The following MAEA variants were observed in gnomAD, a reference collection of about 807,000 sequenced individuals.
MAEA encodes E3 ubiquitin-protein transferase MAEA.
In MAEA, 22 loss-of-function variants were observed where a neutral mutation model predicts 46.2. That is an observed-to-expected ratio of 0.48 (90% CI 0.34 to 0.68). The LOEUF is 0.68. Ranked by LOEUF, MAEA falls within the 30% of genes least tolerant of loss-of-function variation. The pLI is 0.01. For missense variants in MAEA, 393 were observed against 558.1 expected (o/e 0.70, Z 2.98); for synonymous variants, 246 against 222.6 (o/e 1.11, Z -0.94).
At chr4:1,295,134 G>A (rs1161145892) in intron 1 of MAEA, among the ~76,000 whole-genome samples, 9 of 152,098 alleles carry the variant, frequency 5.9e-5, no homozygotes, top group Admixed American at 1.3e-4. Flanking sequence ...AGGCCGGCCG[G>A]TGCCTGTAGC....
chr4:1,310,069 C>T (rs1385857381), intron 1 of MAEA: 7 of 1,054,142 alleles, frequency 6.6e-6, no homozygotes, highest in Middle Eastern at 4.2e-4. Context: ...GGTCTAATGG[C>T]GAAGACTTTC....
intron 1 of MAEA, chr4:1,309,622 G>A: frequency 6.6e-7 from 1 of 1,524,552 alleles, no homozygotes; most frequent in South Asian, 1.2e-5. Flanking sequence ...CAGAGGCGTG[G>A]GAGGCCTGAG....
rs1406621005 is a variant in MAEA, at chr4:1,340,104, A to T, written c.*935A>T. On this transcript the variant is annotated 3_prime_UTR_variant, in exon 9 of 9. Transcript: ENST00000303400. ...TGACTAGCTAATAAACTGTAAATGT[A>T]AACCATGCGAATAAAATGGTTTTCT... is the stretch of plus-strand genomic sequence containing the variant. 6.5e-6 allele frequency: 1 copy of T among 152,690 alleles called. No homozygotes were observed. Among genetic ancestry groups the T allele is most frequent in the Non-Finnish European group, 1.5e-5 (1 of 68,046 alleles). The allele number at this position is 152,690 out of a possible 1,614,324, so 9.5% of individuals were successfully genotyped here.
rs138960574 is a variant in MAEA at position 1,307,968 on chromosome 4, C to A, written c.70-4011C>A. 3.6e-4 allele frequency among the ~76,000 whole-genome samples: 55 copies of A among 151,956 alleles called. 1 individual carries two copies. Among genetic ancestry groups the A allele is most frequent in the African/African-American group, 1.3e-3 (54 of 41,516 alleles). On this transcript the variant is annotated intron_variant, in intron 1 of 8. Transcript: ENST00000303400. The stretch of plus-strand genomic sequence containing the variant: ...GTTCTCTAGGTATCCCAAATCCCAT[C>A]AAGTTGATGCCTGAAATGAACCATT...
At chr4:1,334,244 G>A (rs753228928) in intron 6 of MAEA, among the ~76,000 whole-genome samples, 1 of 146,638 alleles carries the variant, frequency 6.8e-6, no homozygotes, top group South Asian at 2.2e-4. Flanking sequence ...TCCTGGAGTT[G>A]ACAGTTTGTT....
intron 1 of MAEA, chr4:1,310,097 G>T (rs1038878548): frequency 1.1e-6 from 1 of 896,286 alleles, no homozygotes; most frequent in Non-Finnish European, 1.4e-6. Context: ...CTCTTGTGAG[G>T]CGCCTGCACA....
chr4:1,297,944 C>T (rs542292190), intron 1 of MAEA: 18 of 453,866 alleles, frequency 4.0e-5, no homozygotes, highest in Non-Finnish European at 7.6e-5. Context: ...TCTCTGCTTC[C>T]CATTGTTCTA....
In MAEA at chr4:1,316,984, T is replaced by C. The variant is rs1160827904; in HGVS notation, c.456+1384T>C. Among the ~76,000 whole-genome samples the C allele has an allele frequency of 9.6e-3, 652 of 68,226 alleles. 7 individuals carry two copies. Among genetic ancestry groups the C allele is most frequent in the Middle Eastern group, 0.034 (2 of 58 alleles). The allele number at this position is 68,226 out of a possible 152,430, so 44.8% of individuals were successfully genotyped here. On this transcript the variant is annotated intron_variant, in intron 3 of 8. Coordinates refer to ENST00000303400, the MANE Select transcript of MAEA (RefSeq NM_001017405.3). ...GCAGGCCCACCACGGCCCCACACTC[T>C]AGACTCACCCCCAGGCCCACCCCGG...
At chr4:1,335,347 T>C (rs1310422319) in intron 6 of MAEA, 2 of 985,398 alleles carry the variant, frequency 2.0e-6, no homozygotes, top group Non-Finnish European at 2.4e-6. Context: ...TTCCAGATCA[T>C]TCAAGTTGAT....
chr4:1,330,007 A>G (rs928190159), intron 5 of MAEA: 14 of 985,236 alleles, frequency 1.4e-5, no homozygotes, highest in Non-Finnish European at 1.7e-5. Context: ...AGGCAAGGTG[A>G]GTCCTGCTGT....
At chr4:1,309,947 G>C in intron 1 of MAEA, 1 of 1,270,604 alleles carries the variant, frequency 7.9e-7, no homozygotes. Context: ...TGCAGCTAAG[G>C]GACGTCCAGA....
At chr4:1,316,048 C>T (rs1300715702) in intron 3 of MAEA, among the ~76,000 whole-genome samples, 1 of 151,926 alleles carries the variant, frequency 6.6e-6, no homozygotes, top group Non-Finnish European at 1.5e-5. Flanking sequence ...CTTCTCATTT[C>T]CCTGTGGTGT....
At chr4:1,298,435 G>A (rs1734993785) in intron 1 of MAEA, among the ~76,000 whole-genome samples, 1 of 152,120 alleles carries the variant, frequency 6.6e-6, no homozygotes, top group African/African-American at 2.4e-5. Flanking sequence ...CACACGCGCC[G>A]TCTTCTGGTT....
intron 1 of MAEA, among the ~76,000 whole-genome samples, chr4:1,301,311 C>T (rs1010047607): frequency 6.6e-6 from 1 of 152,224 alleles, no homozygotes. Flanking sequence ...TGTCTCCACT[C>T]ACACTGCTTG....
chr4:1,334,703 G>C, intron 6 of MAEA: 1 of 192,312 alleles, frequency 5.2e-6, no homozygotes, highest in Non-Finnish European at 9.5e-6. Context: ...ACCGTGTCTC[G>C]TGGCAGGAAA....
At chr4:1,318,374 G>A (rs889479588) in intron 3 of MAEA, among the ~76,000 whole-genome samples, 2 of 152,240 alleles carry the variant, frequency 1.3e-5, no homozygotes, top group Non-Finnish European at 2.9e-5. Flanking sequence ...GTGGGCACAG[G>A]CCACGCGTTC....
At chr4:1,291,798 TG>T (rs1285335592) in intron 1 of MAEA, among the ~76,000 whole-genome samples, 1 of 152,258 alleles carries the variant, frequency 6.6e-6, no homozygotes, top group Non-Finnish European at 1.5e-5. Flanking sequence ...GAATGTAATT[TG>T]TATTCCAGAG....
intron 2 of MAEA, 33 bp from the exon 3 acceptor site, chr4:1,315,364 G>T: frequency 6.2e-7 from 1 of 1,608,572 alleles, no homozygotes; most frequent in Non-Finnish European, 8.5e-7. Context: ...GGGCATCCCT[G>T]TCCTGAACGT....
chr4:1,322,323 G>A, intron 3 of MAEA, 58 bp from the exon 4 acceptor site: 1 of 1,596,918 alleles, frequency 6.3e-7, no homozygotes, highest in East Asian at 2.2e-5. Context: ...GTGTGGGAGG[G>A]TGGCATGGGG....
Sources: allele counts gnomAD v4.1 joint callset (sites outside exome capture counted in the v4.1 genomes callset), GRCh38; gene constraint gnomAD v4.1.1; transcripts MANE v1.5; gene names NCBI Gene and HGNC (gene_info 2026-07-23, HGNC 2026-07-21).